RASGRP2: variants seen among roughly 807,000 people sequenced by gnomAD.
RASGRP2 encodes the protein RAS guanyl releasing protein 2.
Under a neutral mutation model 71.0 loss-of-function variants are expected in RASGRP2, and 44 were observed. The ratio of observed to expected loss-of-function variants is 0.62; its 90% CI spans 0.49 to 0.80. The LOEUF is 0.80. Ranked by LOEUF, RASGRP2 falls within the 30% of genes least tolerant of loss-of-function variation. The pLI is 0.00. For synonymous variants in RASGRP2, 350 were observed against 330.7 expected (o/e 1.06, Z -0.63); for missense variants, 663 against 813.4 (o/e 0.82, Z 2.25).
intron 12 of RASGRP2, among the ~76,000 whole-genome samples, chr11:64,733,510 G>A (rs1313237934): frequency 2.0e-5 from 3 of 151,820 alleles, no homozygotes; most frequent in Non-Finnish European, 1.5e-5. Context: ...GGCCTCCATC[G>A]TCTCAAAGGG....
intron 9 of RASGRP2, 59 bp downstream of exon 9, chr11:64,736,694 T>C: frequency 2.0e-6 from 3 of 1,533,782 alleles, no homozygotes; most frequent in Admixed American, 2.0e-5. Flanking sequence ...AGCCAGGACC[T>C]GGGGAAACTG....
chr11:64,740,845 G>C lies in RASGRP2; in HGVS notation c.371+103C>G, dbSNP rs1260847208. ...AGCCATGGAAGGTTTTTAAGCGAGA[G>C]AGCAACATGACCCTCACTCATTCAG... On this transcript the variant is annotated intron_variant, in intron 5 of 16. Coordinates refer to ENST00000394432, the MANE Select transcript of RASGRP2 (RefSeq NM_001098671.2). 2.7e-6 allele frequency: 4 copies of C among 1,491,806 alleles called. No individual in the cohort carries two copies. In the Admixed American group the frequency reaches 5.0e-5, roughly 19 times the overall value. 92.4% of individuals were successfully genotyped at this position (1,491,806 alleles called of 1,614,324 possible). A position where few individuals can be genotyped will look rare whatever the true frequency, so the allele number is the denominator to read the frequency against.
At chr11:64,738,342 G>A (rs2058014624) in intron 8 of RASGRP2, among the ~76,000 whole-genome samples, 1 of 152,052 alleles carries the variant, frequency 6.6e-6, no homozygotes, top group South Asian at 2.1e-4. Context: ...AGTGCTGGGC[G>A]CTTGGGGGCC....
rs78876662 is a variant in RASGRP2 at position 64,739,865 on chromosome 11, C to T, written c.523-56G>A. ...TGCTGGCCTCTCCCCTCACTGATAGCCACTCCTCACCCTCCAGCTGACCTT... is the reference window on the plus strand; with the variant it reads ...TGCTGGCCTCTCCCCTCACTGATAGTCACTCCTCACCCTCCAGCTGACCTT... On this transcript the variant is annotated intron_variant, in intron 6 of 16. Coordinates refer to ENST00000394432, the MANE Select transcript of RASGRP2 (RefSeq NM_001098671.2). This position sits in a 1 kb window ranked among gnomAD's most constrained non-coding sequence, Gnocchi z 4.2. The T allele has an allele frequency of 5.5e-4, 892 of 1,609,844 alleles. 4 individuals are homozygous for T. The African/African-American group carries it at 0.011, about 19-fold the overall frequency.
At chr11:64,738,972 A>AG (rs932547181) in intron 8 of RASGRP2, among the ~76,000 whole-genome samples, 1 of 151,000 alleles carries the variant, frequency 6.6e-6, no homozygotes, top group African/African-American at 2.4e-5. Flanking sequence ...AAAAAAAAAA[A>AG]AATTAATAAC....
At position 64,736,747 on chromosome 11, in the gene RASGRP2, C is replaced by T; in HGVS notation, c.1095+6G>A. 6.3e-7 allele frequency: 1 copy of T among 1,575,382 alleles called. No homozygotes were observed. Among genetic ancestry groups the T allele is most frequent in the Non-Finnish European group, 8.6e-7 (1 of 1,161,130 alleles). ...GCTCCCCACCTCCCTGCCCCCTGCT[C>T]CTCACCGTGAGCAGGCTCAGCAGGT... On this transcript the variant is annotated splice_donor_region_variant and intron_variant, in intron 9 of 16. Coordinates refer to ENST00000394432, the MANE Select transcript of RASGRP2 (RefSeq NM_001098671.2).
At chr11:64,730,291 C>A in intron 12 of RASGRP2, 97 bp from the exon 13 acceptor site, 1 of 1,484,728 alleles carries the variant, frequency 6.7e-7, no homozygotes, top group Non-Finnish European at 9.2e-7. Context: ...CCTCATGGAA[C>A]TCCTGATTTT....
chr11:64,742,767 C>G lies in RASGRP2; in HGVS notation c.73+27G>C, dbSNP rs971167790. On this transcript the variant is annotated intron_variant, in intron 2 of 16. Coordinates refer to ENST00000394432, the MANE Select transcript of RASGRP2 (RefSeq NM_001098671.2). The surrounding 1 kb of genome is among the most constrained non-coding windows in gnomAD (Gnocchi z 4.7). ...GCTCAGACTCGGGGCTAGGCTCAGG[C>G]TCCGTGTGCCCTCCCGAGCCACTCA... 2 of 1,588,978 alleles carry G rather than the reference C, an allele frequency of 1.3e-6. No individual in the cohort carries two copies. Among genetic ancestry groups the G allele is most frequent in the Non-Finnish European group, 1.7e-6 (2 of 1,169,034 alleles).
chr11:64,735,701 C>A lies in RASGRP2; in HGVS notation c.1174-37G>T. 1.3e-6 allele frequency: 2 copies of A among 1,591,346 alleles called. No individual in the cohort carries two copies. Among genetic ancestry groups the A allele is most frequent in the South Asian group, 1.1e-5 (1 of 88,546 alleles). On this transcript the variant is annotated intron_variant, in intron 10 of 16. Coordinates refer to ENST00000394432, the MANE Select transcript of RASGRP2 (RefSeq NM_001098671.2). This position sits in a 1 kb window ranked among gnomAD's most constrained non-coding sequence, Gnocchi z 4.2. The stretch of plus-strand genomic sequence containing the variant: ...GTCGGGCCTGAGCTAGGGCCAGAGG[C>A]AGGGGAAGCCCAGAGCCCCGGGGAA...
intron 5 of RASGRP2, 48 bp from the exon 6 acceptor site, chr11:64,740,211 CG>C: frequency 6.2e-7 from 1 of 1,610,780 alleles, no homozygotes. Context: ...GCGCATGACT[CG>C]TGGCCCCCCA....
intron 5 of RASGRP2, 161 bp from the exon 6 acceptor site, chr11:64,740,324 C>T: frequency 2.4e-6 from 2 of 845,038 alleles, no homozygotes; most frequent in Admixed American, 4.0e-5. Flanking sequence ...CCTCATCTCC[C>T]CCGACCCCGT....
At chr11:64,734,216 G>A (rs1450615499) in intron 12 of RASGRP2, among the ~76,000 whole-genome samples, 1 of 151,898 alleles carries the variant, frequency 6.6e-6, no homozygotes, top group East Asian at 2.0e-4. Flanking sequence ...GGAAGCTGAA[G>A]CAGGAGAATC....
At chr11:64,737,156 C>T in intron 8 of RASGRP2, 122 bp from the exon 9 acceptor site, 2 of 1,197,392 alleles carry the variant, frequency 1.7e-6, no homozygotes. Flanking sequence ...AAAAACCTCC[C>T]TTACTGTCCC....
At chr11:64,727,261 T>G in intron 16 of RASGRP2, 35 bp downstream of exon 16, 2 of 1,579,776 alleles carry the variant, frequency 1.3e-6, no homozygotes, top group Non-Finnish European at 1.7e-6. Context: ...CAGCCCTCAG[T>G]GGGGAGCTCT....
rs977100656 is a variant in RASGRP2, at chr11:64,743,812, C to A, written c.-72+191G>T. On this transcript the variant is annotated intron_variant, in intron 1 of 16. Coordinates refer to ENST00000394432, the MANE Select transcript of RASGRP2 (RefSeq NM_001098671.2). This position sits in a 1 kb window ranked among gnomAD's most constrained non-coding sequence, Gnocchi z 4.9. ...AACTCCGGTCACTGGCGGGGTCATACGCACCCTGGCAGGGGCAAACACTCC... is the reference window on the plus strand; with the variant it reads ...AACTCCGGTCACTGGCGGGGTCATAAGCACCCTGGCAGGGGCAAACACTCC... The A allele has an allele frequency of 1.2e-5, 3 of 251,410 alleles. No homozygotes were observed. Among genetic ancestry groups the A allele is most frequent in the African/African-American group, 2.4e-5 (1 of 41,500 alleles). The allele number at this position is 251,410 out of a possible 1,614,324, so 15.6% of individuals were successfully genotyped here.
Position 64,739,570 on chromosome 11 carries a change from A to T in RASGRP2, c.696+66T>A. The stretch of plus-strand genomic sequence containing the variant: ...TAGAGAGAAGGCAGTGGGTTAGGGG[A>T]AGGGAAGGGTTGGCCTGACTGGCAT... On this transcript the variant is annotated intron_variant, in intron 7 of 16. Coordinates refer to ENST00000394432, the MANE Select transcript of RASGRP2 (RefSeq NM_001098671.2). The surrounding 1 kb of genome is among the most constrained non-coding windows in gnomAD (Gnocchi z 4.2). 1 of 1,611,322 alleles carries T rather than the reference A, an allele frequency of 6.2e-7. No homozygotes were observed. The highest frequency in any genetic ancestry group is 1.1e-5 in the South Asian group (1 of 91,000).
intron 8 of RASGRP2, among the ~76,000 whole-genome samples, chr11:64,737,615 T>C (rs2057983857): frequency 7.2e-6 from 1 of 139,526 alleles, no homozygotes; most frequent in Admixed American, 7.9e-5. Flanking sequence ...GAGGGTGCAG[T>C]GATGCAGTGA....
chr11:64,741,941 C>G (rs762630415), intron 3 of RASGRP2, 69 bp downstream of exon 3: 16 of 1,352,164 alleles, frequency 1.2e-5, no homozygotes, highest in Non-Finnish European at 1.7e-5. Context: ...CATTCTGCAC[C>G]TGGGCTGGGC....
chr11:64,730,307 C>A, intron 12 of RASGRP2, 113 bp from the exon 13 acceptor site: 2 of 1,372,810 alleles, frequency 1.5e-6, no homozygotes, highest in Middle Eastern at 1.8e-4. Context: ...ATTTTGGACT[C>A]CTGTTGCAGA....
Sources: allele counts gnomAD v4.1 joint callset (sites outside exome capture counted in the v4.1 genomes callset), GRCh38; gene constraint gnomAD v4.1.1; non-coding constraint Gnocchi (gnomAD v3.1); transcripts MANE v1.5; gene names NCBI Gene and HGNC (gene_info 2026-07-23, HGNC 2026-07-21).